Variants in EFCAB6 observed in about 807,000 individuals in gnomAD.
EFCAB6 encodes the protein EF-hand calcium-binding domain-containing protein 6.
In EFCAB6, 156 loss-of-function variants were observed where a neutral mutation model predicts 169.8. The ratio of observed to expected loss-of-function variants is 0.92; its 90% confidence interval spans 0.81 to 1.05. The LOEUF (loss-of-function observed/expected upper bound fraction) is 1.05. EFCAB6 is among the 50% of genes least tolerant of loss of function. The probability of loss-of-function intolerance (pLI) is 0.00; values close to 1 mark genes in which losing one functional copy is unlikely to be tolerated. For missense variants in EFCAB6, 1,800 were observed against 1,829.1 expected, an observed-to-expected ratio of 0.98 and a Z score of 0.29; for synonymous variants, 698 against 676.4, an observed-to-expected ratio of 1.03 and a Z score of -0.50.
chr22:43,722,311 G>A (rs2059561733), intron 8 of EFCAB6, among the ~76,000 whole-genome samples: 1 of 151,974 alleles, frequency 6.6e-6, no homozygotes, highest in Admixed American at 6.6e-5. Context: ...CAGATCACGA[G>A]GTCAAGAGAT....
intron 10 of EFCAB6, among the ~76,000 whole-genome samples, chr22:43,709,980 A>T (rs900234226): frequency 2.0e-5 from 3 of 152,126 alleles, no homozygotes; most frequent in Non-Finnish European, 2.9e-5. Context: ...TTCATGCCAC[A>T]TTTTCCATCC....
intron 17 of EFCAB6, among the ~76,000 whole-genome samples, chr22:43,650,918 G>A (rs1407893926): frequency 1.3e-5 from 2 of 152,260 alleles, no homozygotes; most frequent in East Asian, 1.9e-4. Context: ...GAAATTTCTA[G>A]GCAGCAAAGC....
intron 23 of EFCAB6, among the ~76,000 whole-genome samples, chr22:43,591,587 C>T (rs545465679): frequency 8.5e-5 from 13 of 152,280 alleles, no homozygotes; most frequent in South Asian, 2.1e-4. Context: ...CCCTGCAAGG[C>T]GGTGTCATCA....
chr22:43,800,593 A>G (rs1038035060), intron 2 of EFCAB6, among the ~76,000 whole-genome samples: 8 of 152,346 alleles, frequency 5.3e-5, no homozygotes, highest in Admixed American at 5.2e-4. Flanking sequence ...CAGAAAATCA[A>G]TTCAGAACTT....
At chr22:43,661,033 C>G (rs2056974769) in intron 17 of EFCAB6, among the ~76,000 whole-genome samples, 1 of 152,174 alleles carries the variant, frequency 6.6e-6, no homozygotes, top group African/African-American at 2.4e-5. Flanking sequence ...TTTCTGCCAA[C>G]TTTACCAGTT....
chr22:43,563,526 C>A (rs1264136959), intron 26 of EFCAB6, among the ~76,000 whole-genome samples: 1 of 152,216 alleles, frequency 6.6e-6, no homozygotes, highest in African/African-American at 2.4e-5. Context: ...GATCTTGCCA[C>A]TGCACTCCAG....
At chr22:43,810,065 G>C (rs2063058819) in intron 1 of EFCAB6, among the ~76,000 whole-genome samples, 1 of 151,922 alleles carries the variant, frequency 6.6e-6, no homozygotes, top group African/African-American at 2.4e-5. Context: ...CATAGATATG[G>C]GGGGGGTCTG....
At chr22:43,548,919 A>G (rs1336565078) in intron 27 of EFCAB6, among the ~76,000 whole-genome samples, 4 of 152,344 alleles carry the variant, frequency 2.6e-5, no homozygotes, top group Non-Finnish European at 4.4e-5. Context: ...CTAAGAACTG[A>G]TGTCATTCAG....
intron 13 of EFCAB6, 78 bp from the exon 14 acceptor site, chr22:43,672,383 G>T: frequency 6.7e-7 from 1 of 1,485,328 alleles, no homozygotes; most frequent in Non-Finnish European, 9.3e-7. Flanking sequence ...GGTGGACCTG[G>T]ACTGGAATCC....
At chr22:43,584,722 T>C (rs933380729) in intron 24 of EFCAB6, among the ~76,000 whole-genome samples, 3 of 152,214 alleles carry the variant, frequency 2.0e-5, no homozygotes, top group Admixed American at 1.3e-4. Context: ...CTAAATGTTG[T>C]AGCCCATGGA....
chr22:43,566,862 G>T (rs1438093028), intron 26 of EFCAB6, among the ~76,000 whole-genome samples: 1 of 152,008 alleles, frequency 6.6e-6, no homozygotes, highest in East Asian at 1.9e-4. Context: ...CACCTTACTA[G>T]CTCGGCCCCT....
At chr22:43,554,678 A>G (rs1008736919) in intron 27 of EFCAB6, 191 bp downstream of exon 27, 5 of 604,898 alleles carry the variant, frequency 8.3e-6, no homozygotes, top group Non-Finnish European at 1.5e-5. Context: ...CCTGATGAAA[A>G]TGGTGTAATT....
intron 2 of EFCAB6, chr22:43,802,612 G>GC: frequency 2.1e-6 from 1 of 469,712 alleles, no homozygotes; most frequent in Non-Finnish European, 4.1e-6. Flanking sequence ...CTCCTCCAAA[G>GC]CCAGAGCCCA....
intron 10 of EFCAB6, 52 bp downstream of exon 10, chr22:43,711,423 T>C: frequency 2.0e-6 from 3 of 1,499,812 alleles, no homozygotes; most frequent in Non-Finnish European, 2.7e-6. Flanking sequence ...TGCCTTATTC[T>C]TACGGTTGAC....
At chr22:43,646,950 C>T (rs1334477363) in intron 17 of EFCAB6, among the ~76,000 whole-genome samples, 1 of 152,166 alleles carries the variant, frequency 6.6e-6, no homozygotes, top group Non-Finnish European at 1.5e-5. Context: ...TTGACCTAGA[C>T]ATTTCACTTG....
chr22:43,616,304 A>G (rs1019294829), intron 20 of EFCAB6, among the ~76,000 whole-genome samples: 1 of 152,244 alleles, frequency 6.6e-6, no homozygotes, highest in Non-Finnish European at 1.5e-5. Context: ...GACTACAGGA[A>G]ATGGTTGAGA....
chr22:43,736,118 G>C (rs1455326905), intron 6 of EFCAB6, 125 bp from the exon 7 acceptor site: 1 of 917,430 alleles, frequency 1.1e-6, no homozygotes, highest in Non-Finnish European at 1.5e-6. Context: ...GACTCACAGT[G>C]GTAGGCATGG....
chr22:43,626,154 A>T (rs893097799), intron 20 of EFCAB6, among the ~76,000 whole-genome samples: 1 of 151,618 alleles, frequency 6.6e-6, no homozygotes, highest in Admixed American at 6.6e-5. Context: ...ATATGTATAT[A>T]TTTATATATG....
chr22:43,712,533 T>C (rs994892685), intron 9 of EFCAB6, among the ~76,000 whole-genome samples: 2 of 152,220 alleles, frequency 1.3e-5, no homozygotes, highest in Middle Eastern at 3.2e-3. Flanking sequence ...GAAATATCTT[T>C]AATAAAAATA....
Sources: gnomAD v4.1 joint callset for allele counts (sites outside exome capture counted in the v4.1 genomes callset) on GRCh38, gnomAD v4.1.1 for gene constraint, MANE v1.5 for transcripts, NCBI Gene and HGNC (gene_info 2026-07-23, HGNC 2026-07-21) for gene names.